Variants in GTPBP6 observed in about 807,000 individuals in gnomAD.
GTPBP6 encodes the protein GTP binding protein 6.
Under a neutral mutation model 28.9 loss-of-function variants are expected in GTPBP6, and 33 were observed. That is an observed-to-expected ratio of 1.14 (90% CI 0.87 to 1.53). GTPBP6 has a LOEUF of 1.53. Among genes scored for constraint, GTPBP6 ranks in the 40% most tolerant of loss-of-function variants. The probability of loss-of-function intolerance (pLI) is 0.00; values close to 1 mark genes in which losing one functional copy is unlikely to be tolerated. For synonymous variants in GTPBP6, 231 were observed against 192.7 expected, an observed-to-expected ratio of 1.20 and a Z score of -1.65; for missense variants, 507 against 408.3, an observed-to-expected ratio of 1.24 and a Z score of -2.08.
At chrX:311,914 TA>T in intron 6 of GTPBP6, 1 of 595,010 alleles carries the variant, frequency 1.7e-6, no homozygotes, top group East Asian at 2.8e-5. Context: ...GTCGTCTGTG[TA>T]GATTTGGCAA....
At chrX:316,230 G>A (rs1334006414) in intron 2 of GTPBP6, among the ~76,000 whole-genome samples, 1 of 18,458 alleles carries the variant, frequency 5.4e-5, no homozygotes, top group Non-Finnish European at 1.5e-4. Context: ...CATCCCAGCA[G>A]GGACACAAAC....
At chrX:314,448 G>C (rs1296664553) in intron 4 of GTPBP6, among the ~76,000 whole-genome samples, 2 of 152,112 alleles carry the variant, frequency 1.3e-5, no homozygotes, top group Non-Finnish European at 2.9e-5. Flanking sequence ...ACGGGCCCCG[G>C]AGAGAGAGCC....
exon 8 of GTPBP6, chrX:307,840 G>T: frequency 1.3e-6 from 2 of 1,544,334 alleles, no homozygotes; most frequent in Admixed American, 2.1e-5. Context: ...CTGGAGCTCC[G>T]CCTCGGGGTG....
At chrX:314,461 C>T (rs1261325235) in intron 4 of GTPBP6, among the ~76,000 whole-genome samples, 1 of 151,762 alleles carries the variant, frequency 6.6e-6, no homozygotes, top group Non-Finnish European at 1.5e-5. Context: ...AGAGAGCCCA[C>T]ACGGTGCTTT....
exon 4 of GTPBP6, chrX:314,938 G>C (rs1169337617): frequency 5.0e-6 from 2 of 398,612 alleles, no homozygotes; most frequent in African/African-American, 4.1e-5. Flanking sequence ...GGCCTCCTTC[G>C]TGCGGGCGTT....
chrX:309,054 C>T (rs927434551), intron 7 of GTPBP6, among the ~76,000 whole-genome samples: 3 of 152,054 alleles, frequency 2.0e-5, no homozygotes, highest in Non-Finnish European at 2.9e-5. Flanking sequence ...GAGTCGAAAG[C>T]GGAGTCCAGG....
intron 1 of GTPBP6, among the ~76,000 whole-genome samples, chrX:317,546 A>C (rs1373204658): frequency 1.2e-5 from 1 of 86,790 alleles, no homozygotes; most frequent in Non-Finnish European, 1.9e-5. Context: ...ATTCATTTGC[A>C]TTTCCTCCTG....
intron 2 of GTPBP6, among the ~76,000 whole-genome samples, chrX:315,665 C>G (rs2070419919): frequency 7.5e-6 from 1 of 132,678 alleles, no homozygotes; most frequent in African/African-American, 3.0e-5. Flanking sequence ...TAAACACATC[C>G]CGGCAGGGAC....
At position 311,830 on chromosome X, in the gene GTPBP6, C is replaced by T. The variant is rs372449358; in HGVS notation, c.917-203G>A. ...CGTCGCTGTTCTCGGGCCGATGGAG[C>T]GGGGCCGCCGTGCGGACACGGGGGA... On this transcript the variant is annotated intron_variant, in intron 6 of 9. Coordinates refer to ENST00000326153, the Ensembl canonical transcript of GTPBP6. The T allele has an allele frequency of 1.3e-4, 78 of 610,946 alleles. No homozygotes were observed. In the East Asian group the frequency reaches 1.7e-3, roughly 13 times the overall value. The allele number at this position is 610,946 out of a possible 1,614,324, so 37.8% of individuals were successfully genotyped here.
At position 311,537 on chromosome X, in the gene GTPBP6, G is replaced by A. The variant is rs777668853; in HGVS notation, c.1007C>T (p.Ala336Val). Residue 336 changes from alanine to valine, a missense_variant, in exon 7 of 10, where the codon GCG (alanine) becomes GTG (valine). Ala to Val is a moderately conservative substitution (Grantham distance 64, BLOSUM62 0). Transcript: ENST00000326153. Reference sequence around the variant, plus strand: ...GGTCATGCGTGAGGGCAGCGTGCCCGCGTGGGCCGTGACGTCCAGCGTGGC... The same window carrying A: ...GGTCATGCGTGAGGGCAGCGTGCCCACGTGGGCCGTGACGTCCAGCGTGGC... 44 of 1,612,144 alleles carry A rather than the reference G, an allele frequency of 2.7e-5. No individual in the cohort carries two copies. The East Asian group carries it at 6.0e-4, about 22-fold the overall frequency.
At chrX:313,964 C>G (rs1264383514) in intron 5 of GTPBP6, among the ~76,000 whole-genome samples, 186 bp downstream of exon 5, 1 of 152,236 alleles carries the variant, frequency 6.6e-6, no homozygotes, top group African/African-American at 2.4e-5. Flanking sequence ...ACGGAGCCCC[C>G]AGCCAGCCCC....
At chrX:311,648 G>A (rs754040212) in intron 6 of GTPBP6, 21 bp from the exon 7 acceptor site, 3 of 1,589,176 alleles carry the variant, frequency 1.9e-6, no homozygotes, top group Admixed American at 3.3e-5. Context: ...GTGGAGGTCA[G>A]GGCGCTGCAG....
intron 8 of GTPBP6, 89 bp downstream of exon 8, chrX:307,643 G>A (rs1230529074): frequency 7.0e-6 from 10 of 1,418,934 alleles, no homozygotes; most frequent in South Asian, 2.8e-5. Flanking sequence ...CCACCGCTGC[G>A]GTTCACACGA....
intron 6 of GTPBP6, chrX:311,982 A>G: frequency 1.9e-6 from 1 of 537,104 alleles, no homozygotes; most frequent in Non-Finnish European, 3.4e-6. Flanking sequence ...GGATGGGAGG[A>G]TGGTGTAGAC....
chrX:305,319 CTTTTGTTT>C lies in GTPBP6; in HGVS notation c.1428-130_1428-123del, dbSNP rs974398811. On this transcript the variant is annotated intron_variant, in intron 9 of 9. Coordinates refer to ENST00000326153, the Ensembl canonical transcript of GTPBP6. ...ACCATTCATCAGACCGTCCTGTTTCCTTTTGTTTTTTTTTTTTTTTGAGACGGAGTCTC... is the reference window on the plus strand; with the variant it reads ...ACCATTCATCAGACCGTCCTGTTTCCTTTTTTTTTTTTGAGACGGAGTCTC... 1.1e-4 allele frequency: 81 copies of C among 735,436 alleles called. No individual in the cohort carries two copies. The African/African-American group carries it at 1.5e-3, about 13-fold the overall frequency. The allele number at this position is 735,436 out of a possible 1,614,324, so 45.6% of individuals were successfully genotyped here.
At chrX:307,833 G>C in exon 8 of GTPBP6, 1 of 1,550,096 alleles carries the variant, frequency 6.5e-7, no homozygotes, top group Non-Finnish European at 8.7e-7. Context: ...TGCATTTCTG[G>C]AGCTCCGCCT....
intron 9 of GTPBP6, among the ~76,000 whole-genome samples, chrX:306,019 C>T (rs1338725628): frequency 6.6e-6 from 1 of 152,222 alleles, no homozygotes; most frequent in Non-Finnish European, 1.5e-5. Context: ...CTGCCTCGGC[C>T]TCCCAAAGTC....
chrX:313,041 G>T, intron 5 of GTPBP6, 117 bp from the exon 6 acceptor site: 1 of 826,200 alleles, frequency 1.2e-6, no homozygotes, highest in Non-Finnish European at 1.9e-6. Flanking sequence ...GCATCTGGGG[G>T]CCCGGCTGCT....
At chrX:311,427 C>G (rs780250035) in exon 7 of GTPBP6, 2 of 1,354,696 alleles carry the variant, frequency 1.5e-6, no homozygotes, top group South Asian at 3.0e-5. Context: ...ACCGAGTGGG[C>G]CACGTCTTCC....
Sources: gnomAD v4.1 joint callset for allele counts (sites outside exome capture counted in the v4.1 genomes callset) on GRCh38, gnomAD v4.1.1 for gene constraint, MANE v1.5 for transcripts, NCBI Gene and HGNC (gene_info 2026-07-23, HGNC 2026-07-21) for gene names.